Variants in SLC25A21 observed in about 807,000 individuals in gnomAD.
SLC25A21 encodes solute carrier family 25 member 21, also known as mitochondrial 2-oxodicarboxylate carrier.
In SLC25A21, 47 loss-of-function variants were observed where a neutral mutation model predicts 43.8. The ratio of observed to expected loss-of-function variants is 1.07; its 90% confidence interval spans 0.85 to 1.37. SLC25A21 has a LOEUF of 1.37. Ranked by LOEUF, SLC25A21 falls within the 40% of genes most tolerant of loss-of-function variation. SLC25A21 has a pLI of 0.00. For missense variants in SLC25A21, 352 were observed against 350.2 expected (o/e 1.00, Z -0.04); for synonymous variants, 131 against 121.3 (o/e 1.08, Z -0.52).
intron 7 of SLC25A21, among the ~76,000 whole-genome samples, chr14:36,692,863 T>G (rs1399716582): frequency 6.6e-6 from 1 of 152,256 alleles, no homozygotes; most frequent in East Asian, 1.9e-4. Context: ...ACATTTTCTT[T>G]GATCTCTGCA....
At chr14:37,081,917 G>A (rs1423115629) in intron 1 of SLC25A21, among the ~76,000 whole-genome samples, 1 of 152,104 alleles carries the variant, frequency 6.6e-6, no homozygotes, top group Non-Finnish European at 1.5e-5. Context: ...TATAATAAAT[G>A]TAGCAAATCT....
At chr14:36,832,456 CG>C (rs1566657281) in intron 2 of SLC25A21, among the ~76,000 whole-genome samples, 1 of 152,074 alleles carries the variant, frequency 6.6e-6, no homozygotes, top group African/African-American at 2.4e-5. Context: ...TTGAGGCTCA[CG>C]GGCCTGACTA....
chr14:37,055,494 G>T (rs1183422547), intron 1 of SLC25A21, among the ~76,000 whole-genome samples: 1 of 152,170 alleles, frequency 6.6e-6, no homozygotes, highest in Non-Finnish European at 1.5e-5. Context: ...GAAAGCAGCA[G>T]AAGAGACACC....
intron 1 of SLC25A21, among the ~76,000 whole-genome samples, chr14:36,908,828 G>A (rs1891603627): frequency 1.3e-5 from 2 of 152,058 alleles, no homozygotes; most frequent in South Asian, 4.1e-4. Context: ...ATGTTAAAAA[G>A]CATTAAATTT....
chr14:36,922,634 C>T (rs1332308604), intron 1 of SLC25A21, among the ~76,000 whole-genome samples: 1 of 151,778 alleles, frequency 6.6e-6, no homozygotes, highest in South Asian at 2.1e-4. Context: ...GCTAAAATAT[C>T]CTCAGAGCTC....
chr14:36,697,735 C>A (rs1487952399), intron 7 of SLC25A21, among the ~76,000 whole-genome samples: 1 of 77,736 alleles, frequency 1.3e-5, no homozygotes, highest in African/African-American at 5.7e-5. Context: ...ATTGCAAGCC[C>A]TACTTTTTTT....
intron 3 of SLC25A21, among the ~76,000 whole-genome samples, chr14:36,800,446 G>A (rs145928513): frequency 6.6e-6 from 1 of 152,244 alleles, no homozygotes; most frequent in African/African-American, 2.4e-5. Flanking sequence ...GAACCTTGAA[G>A]GTACATTATG....
chr14:37,115,669 A>G (rs957935211), intron 1 of SLC25A21, among the ~76,000 whole-genome samples: 8 of 152,162 alleles, frequency 5.3e-5, no homozygotes, highest in Non-Finnish European at 1.2e-4. Flanking sequence ...AGCTGCTGAG[A>G]AAAGAATTAA....
chr14:36,719,124 A>T (rs1359030891), intron 6 of SLC25A21, among the ~76,000 whole-genome samples: 1 of 152,226 alleles, frequency 6.6e-6, no homozygotes, highest in Non-Finnish European at 1.5e-5. Context: ...AAACTGGGAA[A>T]CAATTCATAC....
intron 1 of SLC25A21, among the ~76,000 whole-genome samples, chr14:37,010,552 G>C (rs1960708123): frequency 6.6e-6 from 1 of 152,188 alleles, no homozygotes; most frequent in African/African-American, 2.4e-5. Flanking sequence ...GAGCCTGAAG[G>C]AGCTCAGGAG....
At chr14:37,146,108 A>G (rs2138926823) in intron 1 of SLC25A21, among the ~76,000 whole-genome samples, 1 of 152,278 alleles carries the variant, frequency 6.6e-6, no homozygotes, top group African/African-American at 2.4e-5. Flanking sequence ...CTTGATGAAA[A>G]GTTTTGAAGT....
At chr14:37,041,455 A>T (rs35844261) in intron 1 of SLC25A21, among the ~76,000 whole-genome samples, 1 of 151,862 alleles carries the variant, frequency 6.6e-6, no homozygotes, top group Admixed American at 6.6e-5. Flanking sequence ...AAGAGTTCAA[A>T]TCCAGTCTGA....
chr14:36,760,917 A>C (rs995456457), intron 3 of SLC25A21, among the ~76,000 whole-genome samples: 7 of 152,152 alleles, frequency 4.6e-5, no homozygotes, highest in Non-Finnish European at 2.9e-5. Context: ...GAAAGGAAAG[A>C]AAGGAAAAAA....
intron 1 of SLC25A21, among the ~76,000 whole-genome samples, chr14:36,937,998 AC>A (rs1222191190): frequency 1.3e-5 from 2 of 152,030 alleles, no homozygotes; most frequent in African/African-American, 4.8e-5. Flanking sequence ...GAGAAGAACA[AC>A]TTTTTTTAAA....
intron 6 of SLC25A21, among the ~76,000 whole-genome samples, chr14:36,722,882 C>T (rs1019737379): frequency 1.3e-5 from 2 of 152,082 alleles, no homozygotes; most frequent in Admixed American, 1.3e-4. Context: ...TAAATTAATT[C>T]TTTTCTTCTT....
intron 1 of SLC25A21, among the ~76,000 whole-genome samples, chr14:37,107,225 T>C (rs1250257559): frequency 6.6e-6 from 1 of 152,128 alleles, no homozygotes; most frequent in Non-Finnish European, 1.5e-5. Context: ...TCACCCAAAA[T>C]GGAGTGCAGT....
intron 1 of SLC25A21, among the ~76,000 whole-genome samples, chr14:36,909,548 AC>A: frequency 6.6e-6 from 1 of 152,156 alleles, no homozygotes; most frequent in Admixed American, 6.6e-5. Context: ...TTCTCTCCTC[AC>A]TGTCAACCAC....
chr14:36,909,202 G>T (rs1891617108), intron 1 of SLC25A21, among the ~76,000 whole-genome samples: 1 of 152,106 alleles, frequency 6.6e-6, no homozygotes, highest in African/African-American at 2.4e-5. Flanking sequence ...AAACCAGTAG[G>T]GACACTTTGA....
At chr14:36,974,307 C>T (rs371478202) in intron 1 of SLC25A21, among the ~76,000 whole-genome samples, 20 of 152,182 alleles carry the variant, frequency 1.3e-4, no homozygotes, top group East Asian at 9.6e-4. Flanking sequence ...AAATATGACT[C>T]ATGCTTTCTC....
Sources: gnomAD v4.1 joint callset for allele counts (sites outside exome capture counted in the v4.1 genomes callset) on GRCh38, gnomAD v4.1.1 for gene constraint, MANE v1.5 for transcripts, NCBI Gene and HGNC (gene_info 2026-07-23, HGNC 2026-07-21) for gene names.